The following TSBP1 variants were observed in gnomAD, a reference collection of about 807,000 sequenced individuals.
The protein encoded by TSBP1 is testis expressed basic protein 1.
A neutral mutation model predicts 68.8 loss-of-function variants in TSBP1; 56 were observed. The ratio of observed to expected loss-of-function variants is 0.81; its 90% CI spans 0.66 to 1.02. The LOEUF (loss-of-function observed/expected upper bound fraction) is 1.02, where lower values mean the gene tolerates loss of function less well. Ranked by LOEUF, TSBP1 falls within the 50% of genes least tolerant of loss-of-function variation. The pLI is 0.00. For missense variants in TSBP1, 502 were observed against 641.2 expected (o/e 0.78, Z 2.34); for synonymous variants, 171 against 208.7 (o/e 0.82, Z 1.56).
intron 20 of TSBP1, among the ~76,000 whole-genome samples, chr6:32,301,510 T>A (rs1765281443): frequency 6.7e-6 from 1 of 149,194 alleles, no homozygotes; most frequent in South Asian, 2.1e-4. Flanking sequence ...AGCCTAGGAG[T>A]TCAAGACCAG....
At chr6:32,318,454 T>C (rs1396160327) in intron 18 of TSBP1, among the ~76,000 whole-genome samples, 1 of 151,984 alleles carries the variant, frequency 6.6e-6, no homozygotes, top group Non-Finnish European at 1.5e-5. Flanking sequence ...AAAACTTAAA[T>C]AAAAATAAAG....
chr6:32,323,694 T>G (rs1388860305), intron 16 of TSBP1, 80 bp from the exon 18 acceptor site: 1 of 1,291,484 alleles, frequency 7.7e-7, no homozygotes, highest in Non-Finnish European at 1.1e-6. Context: ...TTCTTCTTGG[T>G]AGGTCATTAT....
In TSBP1 at chr6:32,304,819, T is replaced by C. The variant is rs945781190; in HGVS notation, c.581-2190A>G. ...CTTTTCTTTTTCTTTTCAGTTTTTA[T>C]GAGAATTTAAAACTCTTCAAGAGTT... On this transcript the variant is annotated intron_variant, in intron 19 of 22. Coordinates refer to ENST00000612031, the Ensembl canonical transcript of TSBP1. This position sits in a 1 kb window ranked among gnomAD's most constrained non-coding sequence, Gnocchi z 4.8. 4.6e-5 allele frequency among the ~76,000 whole-genome samples: 7 copies of C among 151,186 alleles called. No individual in the cohort carries two copies. Among genetic ancestry groups the C allele is most frequent in the Admixed American group, 1.3e-4 (2 of 15,254 alleles).
chr6:32,365,816 C>T lies in TSBP1; in HGVS notation c.217+351G>A. On this transcript the variant is annotated intron_variant, in intron 6 of 22. Transcript: ENST00000612031. The surrounding 1 kb of genome is among the most constrained non-coding windows in gnomAD (Gnocchi z 4.3). ...CTGACAGCGTGCTGGAACTTCTCTG[C>T]TGGACTCCTGGACTCCCACAATGGT... The T allele has an allele frequency of 2.4e-6, 1 of 420,660 alleles. No individual in the cohort carries two copies. The highest frequency in any genetic ancestry group is 5.5e-4 in the Middle Eastern group (1 of 1,828). 26.1% of individuals were successfully genotyped at this position (420,660 alleles called of 1,614,324 possible).
Position 32,321,180 on chromosome 6 carries a change from T to C in TSBP1, c.559+1937A>G, listed in dbSNP as rs534793577. Among the ~76,000 whole-genome samples the C allele has an allele frequency of 3.3e-5, 5 of 152,338 alleles. No individual in the cohort carries two copies. The highest frequency in any genetic ancestry group is 9.6e-5 in the African/African-American group (4 of 41,576). On this transcript the variant is annotated intron_variant, in intron 18 of 22. Transcript: ENST00000612031. This position sits in a 1 kb window ranked among gnomAD's most constrained non-coding sequence, Gnocchi z 4.3. ...TGTGTCTTTATGATAGAATGGTTTA[T>C]ATTCCTTTGAGTCTATACCCAGTAA...
Position 32,340,738 on chromosome 6 carries a change from G to A in TSBP1, c.350-1100C>T, listed in dbSNP as rs1770236716. Among the ~76,000 whole-genome samples the A allele has an allele frequency of 6.6e-6, 1 of 152,038 alleles. No homozygotes were observed. Among genetic ancestry groups the A allele is most frequent in the South Asian group, 2.1e-4 (1 of 4,824 alleles). On this transcript the variant is annotated intron_variant, in intron 9 of 22. Transcript: ENST00000612031. This position sits in a 1 kb window ranked among gnomAD's most constrained non-coding sequence, Gnocchi z 4.8. ...AAGGCATGAGCAGAAATGTAACACA[G>A]GTCATATATATTCCATTCCTGACCT... is the stretch of plus-strand genomic sequence containing the variant.
chr6:32,355,582 A>G, intron 7 of TSBP1, 67 bp downstream of exon 7: 1 of 1,569,176 alleles, frequency 6.4e-7, no homozygotes, highest in Non-Finnish European at 8.6e-7. Flanking sequence ...CCTCCAAAGC[A>G]TTTACAATCT....
Position 32,335,839 on chromosome 6 carries a change from A to G in TSBP1, c.451+73T>C. 8.2e-7 allele frequency: 1 copy of G among 1,212,752 alleles called. No individual in the cohort carries two copies. The highest frequency in any genetic ancestry group is 1.2e-6 in the Non-Finnish European group (1 of 824,754). 75.1% of individuals were successfully genotyped at this position (1,212,752 alleles called of 1,614,324 possible). A position where few individuals can be genotyped will look rare whatever the true frequency, so the allele number is the denominator to read the frequency against. ...CAAACCCTTGAAATCCCAACATGGA[A>G]ACCAGGTAGCGATCCCTAAGATACT... On this transcript the variant is annotated intron_variant, in intron 13 of 22. Coordinates refer to ENST00000612031, the Ensembl canonical transcript of TSBP1. The surrounding 1 kb of genome is among the most constrained non-coding windows in gnomAD (Gnocchi z 5.5).
At chr6:32,358,827 G>A (rs1772648857) in intron 6 of TSBP1, among the ~76,000 whole-genome samples, 1 of 152,008 alleles carries the variant, frequency 6.6e-6, no homozygotes, top group Non-Finnish European at 1.5e-5. Flanking sequence ...ATGGACTTTT[G>A]GGTTGGTTCC....
chr6:32,371,788 A>T lies in TSBP1; in HGVS notation c.-82T>A, dbSNP rs1412636441. 6.4e-7 allele frequency: 1 copy of T among 1,550,926 alleles called. No homozygotes were observed. Among genetic ancestry groups the T allele is most frequent in the Non-Finnish European group, 8.9e-7 (1 of 1,124,034 alleles). On this transcript the variant is annotated 5_prime_UTR_variant, in exon 1 of 23. It adds an upstream start codon to the 5' untranslated region. Transcript: ENST00000612031. ...AGATCAAGGTAAAACGAAAAACTCAAGTTCACTGTTTCTGAGCAATATGAA... is the reference window on the plus strand; with the variant it reads ...AGATCAAGGTAAAACGAAAAACTCATGTTCACTGTTTCTGAGCAATATGAA...
At chr6:32,301,921 G>C (rs1478666175) in intron 20 of TSBP1, among the ~76,000 whole-genome samples, 2 of 149,652 alleles carry the variant, frequency 1.3e-5, no homozygotes, top group Non-Finnish European at 3.0e-5. Context: ...TGCATGTCCT[G>C]TGAGGTAAGA....
At position 32,293,601 on chromosome 6, in the gene TSBP1, AC is replaced by A; in HGVS notation, c.1071del (p.Leu358TrpfsTer4). On this transcript the variant is annotated frameshift_variant, in exon 23 of 23. Coordinates refer to ENST00000612031, the Ensembl canonical transcript of TSBP1. LOFTEE classifies it low-confidence loss of function (END_TRUNC). ...GCTTCCTGTCCTTTCAGTACAACCA[AC>A]CCACTCTTCGTTACTTGGGCTTCTT... 1.2e-6 allele frequency: 2 copies of A among 1,612,392 alleles called. No individual in the cohort carries two copies. The highest frequency in any genetic ancestry group is 2.2e-5 in the East Asian group (1 of 44,842).
At position 32,315,765 on chromosome 6, in the gene TSBP1, A is replaced by T. The variant is rs772812164; in HGVS notation, c.580+7T>A. On this transcript the variant is annotated splice_region_variant and intron_variant, in intron 19 of 22. Transcript: ENST00000612031. This position sits in a 1 kb window ranked among gnomAD's most constrained non-coding sequence, Gnocchi z 5.4. The stretch of plus-strand genomic sequence containing the variant: ...ACATATGACCAGCTGAGAAATAAAG[A>T]ACTTACTTGCAGTTCTCTGCGAAAT... The T allele has an allele frequency of 4.3e-5, 65 of 1,509,450 alleles. No homozygotes were observed. The highest frequency in any genetic ancestry group is 1.2e-4 in the Admixed American group (6 of 50,196). 93.5% of individuals were successfully genotyped at this position (1,509,450 alleles called of 1,614,324 possible).
intron 1 of TSBP1, among the ~76,000 whole-genome samples, chr6:32,370,582 A>T (rs1774295243): frequency 1.3e-5 from 2 of 152,082 alleles, no homozygotes; most frequent in South Asian, 4.1e-4. Context: ...TGAAAGCCAC[A>T]GCAAAGGACA....
chr6:32,351,017 G>A (rs1771651167), intron 8 of TSBP1, among the ~76,000 whole-genome samples: 1 of 152,124 alleles, frequency 6.6e-6, no homozygotes, highest in Non-Finnish European at 1.5e-5. Flanking sequence ...GTTGTCCAGG[G>A]AGACATATAT....
chr6:32,329,067 A>G (rs546811269), intron 16 of TSBP1, among the ~76,000 whole-genome samples: 1 of 152,298 alleles, frequency 6.6e-6, no homozygotes, highest in East Asian at 1.9e-4. Flanking sequence ...GGCTGTTGCG[A>G]GCCACTAATT....
In TSBP1 at chr6:32,292,868, G is replaced by C. The variant is rs1253820122; in HGVS notation, c.*113C>G. Reference sequence around the variant, plus strand: ...AGAGCAGAAACTGTGATATGAAGATGAAAGGGATTTTATAATTGTAATCTG... The same window carrying C: ...AGAGCAGAAACTGTGATATGAAGATCAAAGGGATTTTATAATTGTAATCTG... On this transcript the variant is annotated 3_prime_UTR_variant, in exon 23 of 23. Coordinates refer to ENST00000612031, the Ensembl canonical transcript of TSBP1. This position sits in a 1 kb window ranked among gnomAD's most constrained non-coding sequence, Gnocchi z 4.1. 1 of 693,000 alleles carries C rather than the reference G, an allele frequency of 1.4e-6. No individual in the cohort carries two copies. Among genetic ancestry groups the C allele is most frequent in the Non-Finnish European group, 2.4e-6 (1 of 408,302 alleles). The allele number at this position is 693,000 out of a possible 1,614,324, so 42.9% of individuals were successfully genotyped here. A position where few individuals can be genotyped will look rare whatever the true frequency, so the allele number is the denominator to read the frequency against.
intron 18 of TSBP1, among the ~76,000 whole-genome samples, chr6:32,322,811 C>T (rs1000138973): frequency 9.2e-5 from 14 of 152,134 alleles, no homozygotes; most frequent in African/African-American, 3.4e-4. Flanking sequence ...GATCCTTGCA[C>T]TATAATGTTT....
At chr6:32,354,989 T>G (rs1772120558) in intron 8 of TSBP1, 135 bp downstream of exon 8, 1 of 631,732 alleles carries the variant, frequency 1.6e-6, no homozygotes, top group African/African-American at 1.9e-5. Flanking sequence ...TTGTCACATC[T>G]AAGGTGTGAT....
Sources: gnomAD v4.1 joint callset for allele counts (sites outside exome capture counted in the v4.1 genomes callset) on GRCh38, gnomAD v4.1.1 for gene constraint, Gnocchi (gnomAD v3.1) non-coding constraint, MANE v1.5 for transcripts, NCBI Gene and HGNC (gene_info 2026-07-23, HGNC 2026-07-21) for gene names.